PPTC7: variants seen among roughly 807,000 people sequenced by gnomAD.
The protein encoded by PPTC7 is protein phosphatase targeting COQ7, also known as protein phosphatase PTC7 homolog.
Under a neutral mutation model 30.8 loss-of-function variants are expected in PPTC7, and 6 were observed. The ratio of observed to expected loss-of-function variants is 0.19; its 90% CI spans 0.11 to 0.38. The LOEUF is 0.38. PPTC7 is among the 10% of genes least tolerant of loss of function. PPTC7 has a pLI of 1.00. For synonymous variants in PPTC7, 163 were observed against 168.1 expected (o/e 0.97, Z 0.23); for missense variants, 218 against 404.8 (o/e 0.54, Z 3.96).
chr12:110,582,301 T>G (rs535605653), intron 1 of PPTC7, among the ~76,000 whole-genome samples: 51 of 152,272 alleles, frequency 3.3e-4, no homozygotes, highest in Non-Finnish European at 4.9e-4. Context: ...TTGGTTACCA[T>G]CCAGGCGGCG....
intron 1 of PPTC7, among the ~76,000 whole-genome samples, chr12:110,581,203 C>T (rs1593171287): frequency 6.6e-6 from 1 of 152,160 alleles, no homozygotes; most frequent in East Asian, 1.9e-4. Context: ...ATCACGAGGT[C>T]AGGAGTTCGA....
intron 1 of PPTC7, among the ~76,000 whole-genome samples, chr12:110,567,536 A>C (rs2064495010): frequency 6.6e-6 from 1 of 152,100 alleles, no homozygotes; most frequent in African/African-American, 2.4e-5. Context: ...CCTCTAACTC[A>C]ATTTCCACTC....
chr12:110,541,130 C>T (rs1273885962), intron 3 of PPTC7, among the ~76,000 whole-genome samples: 1 of 151,580 alleles, frequency 6.6e-6, no homozygotes, highest in African/African-American at 2.4e-5. Context: ...GCCTGTAATC[C>T]CAGCACTTTG....
chr12:110,569,038 C>G (rs1414216777), intron 1 of PPTC7, among the ~76,000 whole-genome samples: 2 of 146,050 alleles, frequency 1.4e-5, no homozygotes, highest in South Asian at 4.4e-4. Context: ...CCCCGCCCCC[C>G]CCCCTCAAAA....
rs1340249911 is a variant in PPTC7, at chr12:110,534,377, T to TA, written c.*2659dup. ...GAAATCCAAATTTTTTCTTTTGTTATAAAAGTCCATTACATGAGGCGTGTG... is the reference window on the plus strand; with the variant it reads ...GAAATCCAAATTTTTTCTTTTGTTATAAAAAGTCCATTACATGAGGCGTGTG... On this transcript the variant is annotated 3_prime_UTR_variant, in exon 6 of 6. Transcript: ENST00000354300. The TA allele has an allele frequency of 2.0e-5, 3 of 152,148 alleles. No homozygotes were observed. The highest frequency in any genetic ancestry group is 1.3e-4 in the Admixed American group (2 of 15,274). The allele number at this position is 152,148 out of a possible 1,614,324, so 9.4% of individuals were successfully genotyped here.
chr12:110,549,308 G>C (rs2064333968), intron 2 of PPTC7, among the ~76,000 whole-genome samples: 1 of 152,020 alleles, frequency 6.6e-6, no homozygotes, highest in Non-Finnish European at 1.5e-5. Flanking sequence ...AGAAATAAGT[G>C]GTTACAGCTA....
chr12:110,548,149 T>C (rs1033224180), intron 2 of PPTC7, among the ~76,000 whole-genome samples: 3 of 151,306 alleles, frequency 2.0e-5, no homozygotes, highest in Non-Finnish European at 2.9e-5. Context: ...TAAGTACCTA[T>C]GTATTTACCT....
chr12:110,568,888 G>A (rs956321601), intron 1 of PPTC7, among the ~76,000 whole-genome samples: 17 of 152,234 alleles, frequency 1.1e-4, no homozygotes, highest in Non-Finnish European at 2.1e-4. Flanking sequence ...GGTGGCTCAA[G>A]CCTGTAGTCT....
At chr12:110,580,529 G>A (rs887906314) in intron 1 of PPTC7, among the ~76,000 whole-genome samples, 14 of 151,964 alleles carry the variant, frequency 9.2e-5, no homozygotes, top group Admixed American at 3.3e-4. Context: ...TAGTAGAGAC[G>A]GGGTTTTGCC....
intron 2 of PPTC7, among the ~76,000 whole-genome samples, chr12:110,547,287 T>C (rs1210084384): frequency 1.3e-5 from 2 of 152,224 alleles, no homozygotes; most frequent in Non-Finnish European, 2.9e-5. Flanking sequence ...TCAGCCTGCT[T>C]CCTGCCTGTG....
intron 1 of PPTC7, among the ~76,000 whole-genome samples, chr12:110,560,162 G>A (rs569898201): frequency 6.6e-6 from 1 of 152,166 alleles, no homozygotes; most frequent in Non-Finnish European, 1.5e-5. Flanking sequence ...CATATTGGGA[G>A]GCTGAGGTAG....
At chr12:110,582,759 C>G in intron 1 of PPTC7, 50 bp downstream of exon 1, 3 of 1,460,652 alleles carry the variant, frequency 2.1e-6, no homozygotes, top group Admixed American at 2.1e-5. Context: ...CGGGGAGTCC[C>G]CGGGAGGCGG....
chr12:110,569,338 AT>A (rs2064513719), intron 1 of PPTC7, among the ~76,000 whole-genome samples: 1 of 152,160 alleles, frequency 6.6e-6, no homozygotes, highest in African/African-American at 2.4e-5. Flanking sequence ...GTCTCAAAAA[AT>A]AAAAAGTAAA....
rs541858147 is a variant in PPTC7 at position 110,553,735 on chromosome 12, C to T, written c.224-1767G>A. 4.6e-5 allele frequency among the ~76,000 whole-genome samples: 7 copies of T among 152,188 alleles called. No homozygotes were observed. The South Asian group carries it at 8.3e-4, about 18-fold the overall frequency. ...TTGGGGCTACCGTGAGCCATGATTA[C>T]GCCACTGCACTCCAGCGTGGGTGGA... On this transcript the variant is annotated intron_variant, in intron 1 of 5. Transcript: ENST00000354300.
At chr12:110,574,384 T>C (rs1215476101) in intron 1 of PPTC7, among the ~76,000 whole-genome samples, 3 of 151,576 alleles carry the variant, frequency 2.0e-5, no homozygotes, top group Admixed American at 2.0e-4. Flanking sequence ...TATAAAGCAC[T>C]AGAAGGATGG....
At chr12:110,561,366 T>G (rs1367253374) in intron 1 of PPTC7, among the ~76,000 whole-genome samples, 4 of 151,976 alleles carry the variant, frequency 2.6e-5, no homozygotes, top group East Asian at 1.9e-4. Context: ...TAGGCTGGAG[T>G]GCAGTGGCGC....
chr12:110,575,759 A>T (rs1458222668), intron 1 of PPTC7, among the ~76,000 whole-genome samples: 1 of 152,168 alleles, frequency 6.6e-6, no homozygotes, highest in African/African-American at 2.4e-5. Context: ...AATCCTTTAC[A>T]GAGACTGTTA....
rs535592025 is a variant in PPTC7, at chr12:110,561,438, C to T, written c.224-9470G>A. Among the ~76,000 whole-genome samples the T allele has an allele frequency of 9.9e-5, 15 of 152,148 alleles. No individual in the cohort carries two copies. The South Asian group carries it at 2.9e-3, about 30-fold the overall frequency. On this transcript the variant is annotated intron_variant, in intron 1 of 5. Coordinates refer to ENST00000354300, the MANE Select transcript of PPTC7 (RefSeq NM_139283.2). ...AAGTGACTCTCCTGCCTCAGCCTCC[C>T]GAGTAGCTGGTATTACAGGCACCCA... is the stretch of plus-strand genomic sequence containing the variant.
chr12:110,541,700 C>CAAAAAA (rs748911395), intron 3 of PPTC7, among the ~76,000 whole-genome samples: 1 of 66,468 alleles, frequency 1.5e-5, no homozygotes, highest in Non-Finnish European at 3.3e-5. Context: ...AACTCCGTCT[C>CAAAAAA]AAAAAAAAAA....
Sources: gnomAD v4.1 joint callset for allele counts (sites outside exome capture counted in the v4.1 genomes callset) on GRCh38, gnomAD v4.1.1 for gene constraint, MANE v1.5 for transcripts, NCBI Gene and HGNC (gene_info 2026-07-23, HGNC 2026-07-21) for gene names.